Variants in SRRM2 observed in about 807,000 individuals in gnomAD.
SRRM2 encodes serine/arginine repetitive matrix protein 2.
Under a neutral mutation model 213.8 loss-of-function variants are expected in SRRM2, and 30 were observed. The observed-to-expected ratio is 0.14, with a 90% confidence interval of 0.10 to 0.19. The LOEUF is 0.19. Ranked by LOEUF, SRRM2 falls within the 10% of genes least tolerant of loss-of-function variation. SRRM2 has a pLI of 1.00. For synonymous variants in SRRM2, 2,025 were observed against 1,377.7 expected (o/e 1.47, Z -10.40); for missense variants, 4,904 against 3,647.0 (o/e 1.34, Z -8.88).
Position 2,766,209 on chromosome 16 carries a change from C to A in SRRM2, c.5681C>A (p.Pro1894Gln). The change falls in exon 11 of 15, where the codon CCA (proline) becomes CAA (glutamine). Residue 1894 changes from proline to glutamine, a missense_variant. Coordinates refer to ENST00000301740, the MANE Select transcript of SRRM2 (RefSeq NM_016333.4). The surrounding 1 kb of genome is among the most constrained non-coding windows in gnomAD (Gnocchi z 7.0). ...CGTAGGTCCAGATCTCGAACTTCAC[C>A]AGTCAGCCGGAGACGGTCAAGGTCC... ...SRRRSRSRTS[P>Q]VSRRRSRSRT... 6.2e-7 allele frequency: 1 copy of A among 1,614,200 alleles called. No individual in the cohort carries two copies. The highest frequency in any genetic ancestry group is 8.5e-7 in the Non-Finnish European group (1 of 1,180,038).
chr16:2,769,706 C>T (rs1036651542), intron 12 of SRRM2: 3 of 482,202 alleles, frequency 6.2e-6, no homozygotes, highest in Non-Finnish European at 1.2e-5. Context: ...GCACATCTGG[C>T]TACTTCCCTC....
At chr16:2,769,685 C>T (rs1433148043) in intron 12 of SRRM2, 6 of 501,042 alleles carry the variant, frequency 1.2e-5, no homozygotes, top group South Asian at 9.2e-5. Context: ...CCAGAGGGAC[C>T]TTTCTAAAAC....
chr16:2,759,379 A>C lies in SRRM2; in HGVS notation c.717A>C (p.Lys239Asn). Residue 239 changes from lysine (K) to asparagine (N), a missense_variant, in exon 8 of 15, where the codon AAA (lysine) becomes AAC (asparagine). Transcript: ENST00000301740. ...HRSPTPKSKR[K>N]SKDKKRKRSR... ...CTCCCACTCCAAAGAGCAAACGTAAATCTAAGGACAAAAAGCGAAAGCGGT... is the reference window on the plus strand; with the variant it reads ...CTCCCACTCCAAAGAGCAAACGTAACTCTAAGGACAAAAAGCGAAAGCGGT... The C allele has an allele frequency of 6.3e-7, 1 of 1,595,308 alleles. No individual in the cohort carries two copies. The highest frequency in any genetic ancestry group is 1.7e-4 in the Middle Eastern group (1 of 5,964).
At position 2,769,447 on chromosome 16, in the gene SRRM2, T is replaced by A; in HGVS notation, c.8021+163T>A. ...TCCTCTCCCCATGCTCGTTGCACCC[T>A]GTTCTGGCGAAGGGCTGCGCCATCC... is the stretch of plus-strand genomic sequence containing the variant. On this transcript the variant is annotated intron_variant, in intron 12 of 14. Transcript: ENST00000301740. 5 of 836,958 alleles carry A rather than the reference T, an allele frequency of 6.0e-6. No individual in the cohort carries two copies. In the South Asian group the frequency reaches 6.8e-5, roughly 11 times the overall value. 51.8% of individuals were successfully genotyped at this position (836,958 alleles called of 1,614,324 possible). A position where few individuals can be genotyped will look rare whatever the true frequency, so the allele number is the denominator to read the frequency against.
rs761105310 is a variant in SRRM2, at chr16:2,763,741, T to C, written c.3213T>C (p.Thr1071=). 1 of 1,614,196 alleles carries C rather than the reference T, an allele frequency of 6.2e-7. No homozygotes were observed. The highest frequency in any genetic ancestry group is 1.1e-5 in the South Asian group (1 of 91,086). The stretch of plus-strand genomic sequence containing the variant: ...CTTCACCAGACCACAGATCTGATAC[T>C]TCAAGTCCAGAAGTGAGACAGAGTC... The part of the protein sequence containing the change: ...SQTSPDHRSD[T]SSPEVRQSHS... The change falls in exon 11 of 15, where the codon ACT becomes ACC. Residue 1071 remains threonine, a synonymous_variant. Coordinates refer to ENST00000301740, the MANE Select transcript of SRRM2 (RefSeq NM_016333.4).
rs750087808 is a variant in SRRM2 at position 2,760,466 on chromosome 16, C to T, written c.999C>T (p.Ser333=). ...SPETATKQPS[S]PYEDKDKDKK... ...AGACTGCTACGAAACAGCCTAGCAGCCCTTATGAAGACAAAGATAAAGACA... is the reference window on the plus strand; with the variant it reads ...AGACTGCTACGAAACAGCCTAGCAGTCCTTATGAAGACAAAGATAAAGACA... Residue 333 remains serine, a synonymous_variant, in exon 10 of 15, where the codon AGC becomes AGT. Coordinates refer to ENST00000301740, the MANE Select transcript of SRRM2 (RefSeq NM_016333.4). 9.9e-6 allele frequency: 16 copies of T among 1,614,122 alleles called. No individual in the cohort carries two copies. In the East Asian group the frequency reaches 3.6e-4, roughly 36 times the overall value.
Position 2,766,725 on chromosome 16 carries a change from G to A in SRRM2, c.6197G>A (p.Arg2066Gln), listed in dbSNP as rs761930586. 5.6e-6 allele frequency: 9 copies of A among 1,614,016 alleles called. No individual in the cohort carries two copies. The highest frequency in any genetic ancestry group is 7.6e-6 in the Non-Finnish European group (9 of 1,180,030). Residue 2066 changes from arginine to glutamine, a missense_variant, in exon 11 of 15, where the codon CGG becomes CAG. Physicochemically the swap from Arg to Gln is conservative, Grantham distance 43. Coordinates refer to ENST00000301740, the MANE Select transcript of SRRM2 (RefSeq NM_016333.4). This position sits in a 1 kb window ranked among gnomAD's most constrained non-coding sequence, Gnocchi z 7.0. ...SRTPRTARGK[R>Q]SLTRSPPAIR... ...ACTCCACGAACAGCTCGGGGTAAAC[G>A]GTCCTTAACAAGATCTCCTCCAGCC...
chr16:2,767,738 C>A lies in SRRM2; in HGVS notation c.7210C>A (p.Arg2404=). Residue 2404 remains arginine, a synonymous_variant, in exon 11 of 15, where the codon CGA becomes AGA. Coordinates refer to ENST00000301740, the MANE Select transcript of SRRM2 (RefSeq NM_016333.4). ...CAGAACCTCACCACCGCTCCTTGAC[C>A]GAGCTAGGTCCAGAACACCACCGTC... ...SGRTSPPLLD[R]ARSRTPPSAP... The A allele has an allele frequency of 1.2e-6, 2 of 1,613,758 alleles. No individual in the cohort carries two copies. Among genetic ancestry groups the A allele is most frequent in the South Asian group, 2.2e-5 (2 of 91,042 alleles).
chr16:2,758,543 G>A lies in SRRM2; in HGVS notation c.589G>A (p.Gly197Arg), dbSNP rs1237885386. ...GAAGAAGAAAAAGAAGAAAGATAGA[G>A]GACGGTAAGTTAGTTGGAAAGTGAC... ...QKKKKKKKDR[G>R]RRSESSSPRR... The change falls in exon 5 of 15, where the codon GGA (glycine) becomes AGA (arginine). Residue 197 changes from glycine to arginine, a missense_variant. Gly to Arg is a moderately radical substitution (Grantham distance 125). Transcript: ENST00000301740. 4.3e-6 allele frequency: 7 copies of A among 1,613,948 alleles called. No homozygotes were observed. The highest frequency in any genetic ancestry group is 5.9e-6 in the Non-Finnish European group (7 of 1,179,880).
chr16:2,761,104 T>C (rs781453116), intron 10 of SRRM2, among the ~76,000 whole-genome samples: 1 of 152,238 alleles, frequency 6.6e-6, no homozygotes, highest in Non-Finnish European at 1.5e-5. Context: ...TCTGGTCTTT[T>C]TCTCATTTCC....
chr16:2,762,356 G>A lies in SRRM2; in HGVS notation c.1828G>A (p.Ala610Thr), dbSNP rs780723084. The change falls in exon 11 of 15, where the codon GCC becomes ACC. Residue 610 changes from alanine (A) to threonine (T), a missense_variant. Ala to Thr is a moderately conservative substitution (Grantham distance 58). Coordinates refer to ENST00000301740, the MANE Select transcript of SRRM2 (RefSeq NM_016333.4). ...TRRRSRSRTP[A>T]RRGRSRSRTP... ...GCGTAGGTCTCGGTCTAGAACACCA[G>A]CCCGGAGGGGCAGGTCTCGGTCTAG... The A allele has an allele frequency of 3.1e-6, 5 of 1,611,814 alleles. No individual in the cohort carries two copies. The highest frequency in any genetic ancestry group is 3.4e-6 in the Non-Finnish European group (4 of 1,179,090).
At position 2,762,908 on chromosome 16, in the gene SRRM2, C is replaced by T; in HGVS notation, c.2380C>T (p.Pro794Ser). The T allele has an allele frequency of 1.2e-6, 2 of 1,612,718 alleles. No homozygotes were observed. The highest frequency in any genetic ancestry group is 1.7e-6 in the Non-Finnish European group (2 of 1,178,700). The change falls in exon 11 of 15, where the codon CCC (proline) becomes TCC (serine). Residue 794 changes from proline to serine, a missense_variant. Coordinates refer to ENST00000301740, the MANE Select transcript of SRRM2 (RefSeq NM_016333.4). ...PCPKQKSQTPPRRSRSGSSQP... is the reference protein window; with the variant it reads ...PCPKQKSQTPSRRSRSGSSQP... ...CCCTAAACAAAAGTCACAGACACCACCCAGGCGCAGTCGCTCTGGATCCTC... is the reference window on the plus strand; with the variant it reads ...CCCTAAACAAAAGTCACAGACACCATCCAGGCGCAGTCGCTCTGGATCCTC...
intron 2 of SRRM2, 94 bp downstream of exon 2, chr16:2,756,700 G>C: frequency 6.7e-7 from 1 of 1,495,902 alleles, no homozygotes; most frequent in Non-Finnish European, 8.9e-7. Context: ...GGTTGAAAGA[G>C]GCCTGGCAAA....
Position 2,752,794 on chromosome 16 carries a change from C to G in SRRM2, c.-84C>G, listed in dbSNP as rs1163096062. ...GGCCCGAGGGACTCGGGAGCTCGAG[C>G]AGCGGCGGCGGCAAGACCTCTCCCC... On this transcript the variant is annotated 5_prime_UTR_variant, in exon 1 of 15. Transcript: ENST00000301740. The G allele has an allele frequency of 2.9e-6, 1 of 344,976 alleles. No homozygotes were observed. Among genetic ancestry groups the G allele is most frequent in the Non-Finnish European group, 5.9e-6 (1 of 170,626 alleles). The allele number at this position is 344,976 out of a possible 1,614,324, so 21.4% of individuals were successfully genotyped here.
chr16:2,752,773 C>T lies in SRRM2; in HGVS notation c.-105C>T. On this transcript the variant is annotated 5_prime_UTR_variant, in exon 1 of 15. Coordinates refer to ENST00000301740, the MANE Select transcript of SRRM2 (RefSeq NM_016333.4). ...CGAGGCGAGGCGGCGGCCCCAGGCC[C>T]GAGGGACTCGGGAGCTCGAGCAGCG... 1.4e-5 allele frequency: 5 copies of T among 357,818 alleles called. No homozygotes were observed. The highest frequency in any genetic ancestry group is 9.3e-5 in the South Asian group (5 of 53,760). The allele number at this position is 357,818 out of a possible 1,614,324, so 22.2% of individuals were successfully genotyped here. A position where few individuals can be genotyped will look rare whatever the true frequency, so the allele number is the denominator to read the frequency against.
At position 2,764,417 on chromosome 16, in the gene SRRM2, G is replaced by C. The variant is rs2068468643; in HGVS notation, c.3889G>C (p.Glu1297Gln). The change falls in exon 11 of 15, where the codon GAA (glutamate) becomes CAA (glutamine). Residue 1297 changes from glutamate (E) to glutamine (Q), a missense_variant. Coordinates refer to ENST00000301740, the MANE Select transcript of SRRM2 (RefSeq NM_016333.4). ...GTCACAGGCTTCTTTGGAAGCAGTA[G>C]AAGTCCCTTCAATGGCCTCATCTTG... ...SQSQASLEAV[E>Q]VPSMASSWGG... is the part of the protein sequence containing the mutation. 6.2e-7 allele frequency: 1 copy of C among 1,613,282 alleles called. No individual in the cohort carries two copies. The highest frequency in any genetic ancestry group is 8.5e-7 in the Non-Finnish European group (1 of 1,179,850).
In SRRM2 at chr16:2,759,135, A is replaced by G. The variant is rs200729280; in HGVS notation, c.657-5A>G. ...TTATGTTTTTTCTTCTCTTTTTTCC[A>G]ACAGGTCAGAATCTGAGTCCAAGAA... is the stretch of plus-strand genomic sequence containing the variant. On this transcript the variant is annotated splice_polypyrimidine_tract_variant and splice_region_variant and intron_variant, in intron 6 of 14. Coordinates refer to ENST00000301740, the MANE Select transcript of SRRM2 (RefSeq NM_016333.4). The G allele has an allele frequency of 2.0e-5, 32 of 1,614,124 alleles. No individual in the cohort carries two copies. In the African/African-American group the frequency reaches 2.7e-4, roughly 13 times the overall value.
chr16:2,763,670 A>G lies in SRRM2; in HGVS notation c.3142A>G (p.Ser1048Gly). ...GVKSSTPPGE[S>G]YFGVSSLQLK... ...AAAATCTAGCACACCACCAGGCGAG[A>G]GCTATTTTGGTGTCTCATCTCTGCA... Residue 1048 changes from serine (S) to glycine (G), a missense_variant, in exon 11 of 15, where the codon AGC becomes GGC. Coordinates refer to ENST00000301740, the MANE Select transcript of SRRM2 (RefSeq NM_016333.4). 6.2e-7 allele frequency: 1 copy of G among 1,614,154 alleles called. No individual in the cohort carries two copies. Among genetic ancestry groups the G allele is most frequent in the African/African-American group, 1.3e-5 (1 of 75,032 alleles).
chr16:2,771,259 G>A lies in SRRM2; in HGVS notation c.*392G>A. On this transcript the variant is annotated 3_prime_UTR_variant, in exon 15 of 15. Coordinates refer to ENST00000301740, the MANE Select transcript of SRRM2 (RefSeq NM_016333.4). ...GTATAAGGTGTTCTTGGAAGGAAGG[G>A]GCAGGAGTTGGAATTAGTTGGTCCC... is the stretch of plus-strand genomic sequence containing the variant. 1.3e-6 allele frequency: 1 copy of A among 747,396 alleles called. No individual in the cohort carries two copies. Among genetic ancestry groups the A allele is most frequent in the East Asian group, 2.7e-5 (1 of 37,568 alleles). 46.3% of individuals were successfully genotyped at this position (747,396 alleles called of 1,614,324 possible). A position where few individuals can be genotyped will look rare whatever the true frequency, so the allele number is the denominator to read the frequency against.
Sources: allele counts gnomAD v4.1 joint callset (sites outside exome capture counted in the v4.1 genomes callset), GRCh38; gene constraint gnomAD v4.1.1; non-coding constraint Gnocchi (gnomAD v3.1); transcripts MANE v1.5; gene names NCBI Gene and HGNC (gene_info 2026-07-23, HGNC 2026-07-21).